EDNRA: variants seen among roughly 807,000 people sequenced by gnomAD.
The protein encoded by EDNRA is endothelin receptor type A.
A neutral mutation model predicts 41.4 loss-of-function variants in EDNRA; 11 were observed. The observed-to-expected ratio is 0.27, with a 90% CI of 0.17 to 0.44. The LOEUF is 0.44. Among genes scored for constraint, EDNRA ranks in the 20% least tolerant of loss-of-function variants. The probability of loss-of-function intolerance (pLI) is 1.00; values close to 1 mark genes in which losing one functional copy is unlikely to be tolerated. For synonymous variants in EDNRA, 172 were observed against 183.0 expected (o/e 0.94, Z 0.49); for missense variants, 294 against 531.0 (o/e 0.55, Z 4.39).
At chr4:147,521,045 C>T (rs1175531739) in intron 3 of EDNRA, among the ~76,000 whole-genome samples, 1 of 151,956 alleles carries the variant, frequency 6.6e-6, no homozygotes, top group African/African-American at 2.4e-5. Context: ...CTTCTTGAGC[C>T]CAGGAGTTTG....
chr4:147,483,244 C>T (rs1022828519), intron 1 of EDNRA, among the ~76,000 whole-genome samples: 3 of 152,156 alleles, frequency 2.0e-5, no homozygotes, highest in Admixed American at 2.0e-4. Flanking sequence ...AAATACATGG[C>T]CTGCCTCTAG....
At chr4:147,532,841 G>C (rs1578812849) in intron 4 of EDNRA, 137 bp downstream of exon 4, 1 of 869,742 alleles carries the variant, frequency 1.1e-6, no homozygotes, top group Non-Finnish European at 1.8e-6. Flanking sequence ...TGCATGAAAA[G>C]TAGATGTTAA....
chr4:147,520,033 C>G (rs1207481210), intron 3 of EDNRA, 55 bp downstream of exon 3: 3 of 1,554,140 alleles, frequency 1.9e-6, no homozygotes, highest in Non-Finnish European at 2.6e-6. Flanking sequence ...GCATTTTTCT[C>G]AAAAAGAAGA....
At chr4:147,510,990 C>A (rs1397141565) in intron 2 of EDNRA, among the ~76,000 whole-genome samples, 1 of 152,138 alleles carries the variant, frequency 6.6e-6, no homozygotes, top group Non-Finnish European at 1.5e-5. Context: ...GTATCTAGTT[C>A]TAGCCTAACA....
At chr4:147,512,959 C>G (rs1729975974) in intron 2 of EDNRA, among the ~76,000 whole-genome samples, 1 of 152,214 alleles carries the variant, frequency 6.6e-6, no homozygotes, top group Non-Finnish European at 1.5e-5. Flanking sequence ...CCAAGCCCTT[C>G]CTCTGGATTC....
At chr4:147,517,235 G>C (rs1005224993) in intron 2 of EDNRA, among the ~76,000 whole-genome samples, 1 of 152,198 alleles carries the variant, frequency 6.6e-6, no homozygotes, top group Admixed American at 6.5e-5. Context: ...GAAGCTCCAA[G>C]TGCTTCTGCT....
chr4:147,489,392 T>C (rs2126379421), intron 2 of EDNRA: 1 of 152,326 alleles, frequency 6.6e-6, no homozygotes, highest in East Asian at 1.9e-4. Context: ...TAAGTGGAAG[T>C]AGACTATTTA....
At chr4:147,520,050 A>G (rs1338309029) in intron 3 of EDNRA, 72 bp downstream of exon 3, 1 of 1,542,914 alleles carries the variant, frequency 6.5e-7, no homozygotes, top group Non-Finnish European at 8.7e-7. Context: ...AAGAAAAGTC[A>G]AGAGAATTCG....
chr4:147,541,425 A>G (rs1380830538), intron 7 of EDNRA, among the ~76,000 whole-genome samples: 1 of 152,214 alleles, frequency 6.6e-6, no homozygotes, highest in Non-Finnish European at 1.5e-5. Context: ...AGGCTCTGGA[A>G]GCAAAGAGCC....
chr4:147,516,736 G>T (rs1730128841), intron 2 of EDNRA, among the ~76,000 whole-genome samples: 1 of 151,808 alleles, frequency 6.6e-6, no homozygotes, highest in Non-Finnish European at 1.5e-5. Context: ...GTTTTGTTTT[G>T]TTTTTTTCAT....
chr4:147,523,106 G>C (rs1345954405), intron 3 of EDNRA, among the ~76,000 whole-genome samples: 1 of 152,238 alleles, frequency 6.6e-6, no homozygotes. Context: ...AAGTGCTTGG[G>C]GTTAGGATAA....
intron 2 of EDNRA, among the ~76,000 whole-genome samples, chr4:147,497,071 T>C (rs1729326074): frequency 6.6e-6 from 1 of 151,972 alleles, no homozygotes; most frequent in African/African-American, 2.4e-5. Context: ...CATAACCTTT[T>C]ATATTTTACT....
intron 2 of EDNRA, among the ~76,000 whole-genome samples, chr4:147,510,804 A>T (rs1351430034): frequency 6.6e-6 from 1 of 152,218 alleles, no homozygotes; most frequent in Non-Finnish European, 1.5e-5. Flanking sequence ...GCACTCTTTC[A>T]CGGGAAGAAT....
chr4:147,512,223 G>T (rs752609442), intron 2 of EDNRA, among the ~76,000 whole-genome samples: 3 of 152,212 alleles, frequency 2.0e-5, no homozygotes, highest in Non-Finnish European at 2.9e-5. Flanking sequence ...ATTAAAAAGA[G>T]ATATTCCTCT....
intron 2 of EDNRA, among the ~76,000 whole-genome samples, chr4:147,503,757 A>T (rs746485152): frequency 2.2e-4 from 33 of 152,148 alleles, no homozygotes; most frequent in Non-Finnish European, 4.9e-4. Flanking sequence ...CGTTTCTCCA[A>T]ATTTTTGTTC....
chr4:147,505,213 AAAAGAG>A (rs1560901563), intron 2 of EDNRA, among the ~76,000 whole-genome samples: 1 of 123,118 alleles, frequency 8.1e-6, no homozygotes. Flanking sequence ...AAAAAAAAAA[AAAAGAG>A]AGAGAGAGAG....
At chr4:147,482,509 C>A (rs149956020) in intron 1 of EDNRA, among the ~76,000 whole-genome samples, 1 of 152,292 alleles carries the variant, frequency 6.6e-6, no homozygotes, top group Non-Finnish European at 1.5e-5. Flanking sequence ...GACTCAGATT[C>A]CTGGAAATGA....
At position 147,484,118 on chromosome 4, in the gene EDNRA, A is replaced by G. The variant is rs180969772; in HGVS notation, c.-70-1494A>G. Among the ~76,000 whole-genome samples the G allele has an allele frequency of 6.3e-4, 96 of 152,312 alleles. 1 individual carries two copies. The highest frequency in any genetic ancestry group is 2.0e-3 in the African/African-American group (83 of 41,570). On this transcript the variant is annotated intron_variant, in intron 1 of 7. Coordinates refer to ENST00000651419, the MANE Select transcript of EDNRA (RefSeq NM_001957.4). The stretch of plus-strand genomic sequence containing the variant: ...TAAATCAGATTATGTCTTCATTTGA[A>G]GATTCATAAAAGCCTACAGAAAAGG...
intron 2 of EDNRA, among the ~76,000 whole-genome samples, chr4:147,509,977 G>A (rs1423340794): frequency 2.0e-5 from 3 of 152,082 alleles, no homozygotes; most frequent in Non-Finnish European, 4.4e-5. Context: ...CACAAAACGA[G>A]TCCCTGGTAC....
Sources: gnomAD v4.1 joint callset for allele counts (sites outside exome capture counted in the v4.1 genomes callset) on GRCh38, gnomAD v4.1.1 for gene constraint, MANE v1.5 for transcripts, NCBI Gene and HGNC (gene_info 2026-07-23, HGNC 2026-07-21) for gene names.